The following OR3A2 variants were observed in gnomAD, a reference collection of about 807,000 sequenced individuals.
OR3A2 encodes the protein olfactory receptor 3A2.
For synonymous variants in OR3A2, 126 were observed against 159.3 expected, an observed-to-expected ratio of 0.79 and a Z score of 1.57; for missense variants, 318 against 392.8, an observed-to-expected ratio of 0.81 and a Z score of 1.61.
chr17:3,336,043 G>C (rs898948042), exon 3 of OR3A2: 2 of 152,248 alleles, frequency 1.3e-5, no homozygotes, highest in Non-Finnish European at 2.9e-5. Context: ...CATTCCTGCC[G>C]GAACACGCAG....
chr17:3,356,214 GTTA>G (rs767085309), intron 2 of OR3A2, among the ~76,000 whole-genome samples: 2 of 151,440 alleles, frequency 1.3e-5, no homozygotes, highest in South Asian at 4.2e-4. Context: ...GGTTGTTTTA[GTTA>G]TTATTTTTTA....
chr17:3,369,805 C>CTTTT lies in OR3A2; in HGVS notation c.-179+13995_-179+13998dup, dbSNP rs35233474. Among the ~76,000 whole-genome samples the CTTTT allele has an allele frequency of 2.4e-3, 327 of 134,664 alleles. 3 individuals carry two copies. The highest frequency in any genetic ancestry group is 6.0e-3 in the African/African-American group (213 of 35,486). The allele number at this position is 134,664 out of a possible 152,430, so 88.3% of individuals were successfully genotyped here. On this transcript the variant is annotated intron_variant, in intron 2 of 4. Coordinates refer to the OR3A2 transcript ENST00000573491. ...TTGAATGGTTTCCGTTAGATTGGTA[C>CTTTT]TTTTTTTTTTTTTTTTGAGGCAAGC...
chr17:3,334,735 C>T (rs747822692), intron 3 of OR3A2, among the ~76,000 whole-genome samples: 2 of 152,116 alleles, frequency 1.3e-5, no homozygotes, highest in Non-Finnish European at 2.9e-5. Flanking sequence ...TAGATCTTTC[C>T]ATATAGAGGC....
At chr17:3,287,972 TAAAA>T (rs1394296211), upstream of OR3A2, among the ~76,000 whole-genome samples, 2 of 151,574 alleles carry the variant, frequency 1.3e-5, no homozygotes, top group African/African-American at 4.8e-5. Context: ...ATATTTGACT[TAAAA>T]AGAAATGTAA....
intron 2 of OR3A2, among the ~76,000 whole-genome samples, chr17:3,337,138 T>A (rs1306282290): frequency 6.6e-6 from 1 of 152,230 alleles, no homozygotes; most frequent in Non-Finnish European, 1.5e-5. Flanking sequence ...AACCTTCATT[T>A]TTTATTTTAG....
chr17:3,293,676 C>T (rs1346554487), intron 3 of OR3A2, among the ~76,000 whole-genome samples: 1 of 152,122 alleles, frequency 6.6e-6, no homozygotes, highest in Admixed American at 6.6e-5. Context: ...CATATGAAAA[C>T]TGTTACCTGG....
chr17:3,379,449 C>T (rs577246993), intron 2 of OR3A2, among the ~76,000 whole-genome samples: 1 of 152,326 alleles, frequency 6.6e-6, no homozygotes, highest in Admixed American at 6.5e-5. Context: ...CTGAAGTCCA[C>T]AAAGAACAGC....
chr17:3,370,634 A>ATT (rs142431057), intron 2 of OR3A2, among the ~76,000 whole-genome samples: 58,942 of 148,270 alleles, frequency 0.4, 11,917 homozygotes, highest in Admixed American at 0.51. Flanking sequence ...GTTCTTTCGG[A>ATT]TTTTTTTTTT....
At chr17:3,300,357 G>A (rs749253259) in intron 3 of OR3A2, among the ~76,000 whole-genome samples, 3 of 152,056 alleles carry the variant, frequency 2.0e-5, no homozygotes, top group Non-Finnish European at 4.4e-5. Flanking sequence ...TCAGGAGTTC[G>A]AGACCAGCCT....
At chr17:3,345,948 G>C (rs1178360171) in intron 2 of OR3A2, among the ~76,000 whole-genome samples, 1 of 152,160 alleles carries the variant, frequency 6.6e-6, no homozygotes, top group Non-Finnish European at 1.5e-5. Flanking sequence ...AGTGGGGATG[G>C]GGGAGAAGGG....
intron 3 of OR3A2, among the ~76,000 whole-genome samples, chr17:3,321,863 AGCC>A (rs2049125720): frequency 6.6e-6 from 1 of 152,242 alleles, no homozygotes; most frequent in Admixed American, 6.5e-5. Context: ...TGTCTCTGCC[AGCC>A]TTTGGTATCA....
chr17:3,311,405 G>A lies in OR3A2; in HGVS notation c.-85+24628C>T. ...CTTCTCACCAACAGCACTCGCATGA[G>A]CTGTGAAGTCCAGGGTGCCCTGGTG... On this transcript the variant is annotated intron_variant, in intron 3 of 4. Coordinates refer to the OR3A2 transcript ENST00000573491. This position sits in a 1 kb window ranked among gnomAD's most constrained non-coding sequence, Gnocchi z 4.6. 1 of 500,720 alleles carries A rather than the reference G, an allele frequency of 2.0e-6. No individual in the cohort carries two copies. Among genetic ancestry groups the A allele is most frequent in the South Asian group, 1.5e-5 (1 of 66,200 alleles). 31.0% of individuals were successfully genotyped at this position (500,720 alleles called of 1,614,324 possible). A position where few individuals can be genotyped will look rare whatever the true frequency, so the allele number is the denominator to read the frequency against.
chr17:3,286,631 G>C (rs2048815987), upstream of OR3A2, among the ~76,000 whole-genome samples: 1 of 152,136 alleles, frequency 6.6e-6, no homozygotes, highest in Admixed American at 6.5e-5. Flanking sequence ...ACTGGTGTGA[G>C]ATGGTATCTC....
At chr17:3,381,653 GA>G (rs11406380) in intron 2 of OR3A2, among the ~76,000 whole-genome samples, 2 of 151,152 alleles carry the variant, frequency 1.3e-5, no homozygotes, top group Admixed American at 6.6e-5. Flanking sequence ...TACTTTTGGA[GA>G]AAAAAAAATG....
intron 3 of OR3A2, among the ~76,000 whole-genome samples, chr17:3,330,760 G>A (rs1439477309): frequency 6.6e-6 from 1 of 150,436 alleles, no homozygotes; most frequent in South Asian, 2.1e-4. Context: ...TCATTATGAT[G>A]TTAGCTGGTG....
intron 2 of OR3A2, among the ~76,000 whole-genome samples, chr17:3,353,222 G>A (rs967495794): frequency 1.3e-5 from 2 of 151,512 alleles, no homozygotes; most frequent in African/African-American, 4.8e-5. Flanking sequence ...CAGTGAATTA[G>A]AGAATGCTTT....
chr17:3,308,205 T>C (rs1291834605), intron 3 of OR3A2, among the ~76,000 whole-genome samples: 1 of 152,200 alleles, frequency 6.6e-6, no homozygotes, highest in African/African-American at 2.4e-5. Flanking sequence ...TGGCTCCCCC[T>C]GGAAGGTGCT....
intron 2 of OR3A2, among the ~76,000 whole-genome samples, chr17:3,350,914 C>A (rs1045754544): frequency 1.3e-5 from 2 of 150,344 alleles, no homozygotes; most frequent in African/African-American, 2.4e-5. Flanking sequence ...AGCATATAAA[C>A]AGAACCAAAG....
At chr17:3,348,434 T>A (rs894012856) in intron 2 of OR3A2, among the ~76,000 whole-genome samples, 3 of 151,970 alleles carry the variant, frequency 2.0e-5, no homozygotes, top group Non-Finnish European at 4.4e-5. Flanking sequence ...GTATCAGTGA[T>A]GGAAGATGAA....
Sources: gnomAD v4.1 joint callset for allele counts (sites outside exome capture counted in the v4.1 genomes callset) on GRCh38, gnomAD v4.1.1 for gene constraint, Gnocchi (gnomAD v3.1) non-coding constraint, MANE v1.5 for transcripts, NCBI Gene and HGNC (gene_info 2026-07-23, HGNC 2026-07-21) for gene names.